SIN3B: variants seen among roughly 807,000 people sequenced by gnomAD.
The protein encoded by SIN3B is paired amphipathic helix protein Sin3b.
In SIN3B, 19 loss-of-function variants were observed where a neutral mutation model predicts 120.2. That is an observed-to-expected ratio of 0.16 (90% CI 0.11 to 0.23). The LOEUF is 0.23. SIN3B is among the 10% of genes least tolerant of loss of function. SIN3B has a pLI of 1.00. For missense variants in SIN3B, 1,073 were observed against 1,573.0 expected (o/e 0.68, Z 5.38); for synonymous variants, 654 against 653.2 (o/e 1.00, Z -0.02).
Position 16,847,495 on chromosome 19 carries a change from T to C in SIN3B, c.726+382T>C, listed in dbSNP as rs556106484. On this transcript the variant is annotated intron_variant, in intron 5 of 18. Coordinates refer to ENST00000248054, the MANE Select transcript of SIN3B (RefSeq NM_001297595.2). ...GGAGGGCTGGGTCCACAATCATCGCTTCCCCTGTTGGATGAGACTGATCTG... is the reference window on the plus strand; with the variant it reads ...GGAGGGCTGGGTCCACAATCATCGCCTCCCCTGTTGGATGAGACTGATCTG... Among the ~76,000 whole-genome samples, 519 of 152,326 alleles carry C rather than the reference T, an allele frequency of 3.4e-3. 1 individual carries two copies. Among genetic ancestry groups the C allele is most frequent in the African/African-American group, 0.012 (506 of 41,576 alleles).
At chr19:16,846,030 C>G (rs1971474348) in intron 4 of SIN3B, among the ~76,000 whole-genome samples, 1 of 152,176 alleles carries the variant, frequency 6.6e-6, no homozygotes, top group Non-Finnish European at 1.5e-5. Context: ...GCCTCGGCCT[C>G]CCAAAGTGCT....
At chr19:16,878,100 C>A in intron 17 of SIN3B, 83 bp from the exon 18 acceptor site, 2 of 1,212,040 alleles carry the variant, frequency 1.7e-6, no homozygotes, top group East Asian at 2.6e-5. Flanking sequence ...CTGATGGTCC[C>A]AGGCCTGGGG....
At chr19:16,874,565 G>C (rs2051558360) in intron 14 of SIN3B, among the ~76,000 whole-genome samples, 1 of 151,168 alleles carries the variant, frequency 6.6e-6, no homozygotes, top group Non-Finnish European at 1.5e-5. Flanking sequence ...GTTTTGATTT[G>C]GTCTGATTTG....
At chr19:16,854,046 C>T (rs1971580546) in intron 7 of SIN3B, 97 bp from the exon 8 acceptor site, 2 of 780,024 alleles carry the variant, frequency 2.6e-6, no homozygotes, top group Non-Finnish European at 4.3e-6. Flanking sequence ...ACAGTTGGTT[C>T]CCATATCGCA....
intron 2 of SIN3B, 61 bp from the exon 3 acceptor site, chr19:16,831,433 T>C: frequency 1.3e-6 from 2 of 1,525,568 alleles, no homozygotes; most frequent in Admixed American, 1.8e-5. Context: ...GAGTGGGGAA[T>C]AGATTATATT....
At position 16,831,516 on chromosome 19, in the gene SIN3B, A is replaced by G. The variant is rs920739323; in HGVS notation, c.250A>G (p.Arg84Gly). The G allele has an allele frequency of 3.7e-6, 6 of 1,614,048 alleles. No individual in the cohort carries two copies. Among genetic ancestry groups the G allele is most frequent in the Non-Finnish European group, 5.1e-6 (6 of 1,180,004 alleles). ...TAGCATCGATACTCCTGGAGTCATC[A>G]GACGTGTCTCGCAGCTCTTCCACGA... ...SQSIDTPGVI[R>G]RVSQLFHEHP... Residue 84 changes from arginine (R) to glycine (G), a missense_variant, in exon 3 of 19, where the codon AGA becomes GGA. This residue lies in a region of SIN3B where 395 missense variants were observed against 528.0 expected (regional missense o/e 0.75). Transcript: ENST00000248054.
intron 13 of SIN3B, 72 bp from the exon 14 acceptor site, chr19:16,871,157 C>A: frequency 1.3e-6 from 2 of 1,589,610 alleles, no homozygotes; most frequent in South Asian, 2.2e-5. Context: ...GGGGCTCTGT[C>A]ATGCCAGAGT....
chr19:16,844,479 GC>G (rs1407784326), intron 4 of SIN3B, among the ~76,000 whole-genome samples: 1 of 152,220 alleles, frequency 6.6e-6, no homozygotes, highest in African/African-American at 2.4e-5. Context: ...GCACAAGCCT[GC>G]CTCAGGTCAC....
chr19:16,840,677 G>A (rs763297622), intron 3 of SIN3B, among the ~76,000 whole-genome samples: 9 of 152,164 alleles, frequency 5.9e-5, no homozygotes, highest in African/African-American at 1.4e-4. Flanking sequence ...GCAGGGCAGC[G>A]GAAACAGTGA....
rs773337506 is a variant in SIN3B at position 16,870,030 on chromosome 19, G to A, written c.2377G>A (p.Glu793Lys). ...REKLLCEGRR[E>K]KGSDPAMELR... is the part of the protein sequence containing the mutation. The stretch of plus-strand genomic sequence containing the variant: ...GAAGCTGCTGTGTGAGGGCCGCAGG[G>A]AGAAGGGCAGCGACCCCGCCATGGA... The change falls in exon 13 of 19, where the codon GAG becomes AAG. Residue 793 changes from glutamate (E) to lysine (K), a missense_variant. Physicochemically the swap from Glu to Lys is moderately conservative, Grantham distance 56 (BLOSUM62 1). Around this residue, in one of 7 missense-constraint regions of SIN3B, gnomAD observed 52 missense variants for 68.8 expected, o/e 0.76. Transcript: ENST00000248054. 4 of 1,610,692 alleles carry A rather than the reference G, an allele frequency of 2.5e-6. No homozygotes were observed. In the Admixed American group the frequency reaches 6.7e-5, roughly 27 times the overall value.
chr19:16,863,334 T>C, intron 9 of SIN3B: 2 of 254,242 alleles, frequency 7.9e-6, no homozygotes, highest in Non-Finnish European at 1.4e-5. Flanking sequence ...AGTGTAACAA[T>C]GATCTACACA....
At position 16,846,997 on chromosome 19, in the gene SIN3B, C is replaced by T. The variant is rs557026752; in HGVS notation, c.610C>T (p.Pro204Ser). The change falls in exon 5 of 19, where the codon CCA becomes TCA. Residue 204 changes from proline to serine, a missense_variant. Coordinates refer to ENST00000248054, the MANE Select transcript of SIN3B (RefSeq NM_001297595.2). ...QKEQLNTRGR[P>S]FRGMSEEEVF... ...GGAGCAGCTGAACACGAGGGGCCGG[C>T]CATTCCGAGGCATGTCTGAAGAGGA... The T allele has an allele frequency of 6.2e-7, 1 of 1,614,154 alleles. No individual in the cohort carries two copies. The highest frequency in any genetic ancestry group is 1.3e-5 in the African/African-American group (1 of 75,076).
At chr19:16,843,055 G>C (rs971365666) in intron 4 of SIN3B, among the ~76,000 whole-genome samples, 3 of 152,174 alleles carry the variant, frequency 2.0e-5, no homozygotes, top group African/African-American at 7.2e-5. Context: ...TCACCCAGAC[G>C]TGGAGTCTCT....
rs1170035475 is a variant in SIN3B, at chr19:16,876,367, C to A, written c.2767-119C>A. ...GAGCCCATGAGGTACCTTTGACCTG[C>A]AGGAAGCATCAGGGCTTTGGGAGGG... On this transcript the variant is annotated intron_variant, in intron 15 of 18. Transcript: ENST00000248054. This position sits in a 1 kb window ranked among gnomAD's most constrained non-coding sequence, Gnocchi z 7.1. 2.2e-6 allele frequency: 3 copies of A among 1,370,656 alleles called. No individual in the cohort carries two copies. The highest frequency in any genetic ancestry group is 1.4e-5 in the African/African-American group (1 of 70,166). 84.9% of individuals were successfully genotyped at this position (1,370,656 alleles called of 1,614,324 possible). A position where few individuals can be genotyped will look rare whatever the true frequency, so the allele number is the denominator to read the frequency against.
At chr19:16,834,375 G>T (rs1195264145) in intron 3 of SIN3B, among the ~76,000 whole-genome samples, 2 of 152,178 alleles carry the variant, frequency 1.3e-5, no homozygotes, top group Non-Finnish European at 2.9e-5. Flanking sequence ...GAGTAACTCG[G>T]CTTTCAGGGC....
At position 16,879,573 on chromosome 19, in the gene SIN3B, A is replaced by C; in HGVS notation, c.*846A>C. 1 of 152,110 alleles carries C rather than the reference A, an allele frequency of 6.6e-6. No homozygotes were observed. The highest frequency in any genetic ancestry group is 1.9e-4 in the East Asian group (1 of 5,180). 9.4% of individuals were successfully genotyped at this position (152,110 alleles called of 1,614,324 possible). ...ATTCCTTTCGCTTTTAGTGGTTGTT[A>C]TTTCTGTAGCAGCCAAGTCCTGCGG... On this transcript the variant is annotated 3_prime_UTR_variant, in exon 19 of 19. Transcript: ENST00000248054.
chr19:16,877,367 A>G, intron 16 of SIN3B, 178 bp from the exon 17 acceptor site: 1 of 586,448 alleles, frequency 1.7e-6, no homozygotes, highest in Non-Finnish European at 3.0e-6. Context: ...TCCTCTGTCA[A>G]GAGCTATAGT....
intron 14 of SIN3B, chr19:16,875,808 T>TTGGTC (rs958484811): frequency 1.8e-6 from 1 of 543,942 alleles, no homozygotes; most frequent in Non-Finnish European, 3.2e-6. Context: ...TCTGGTCTGT[T>TTGGTC]TGGTCTGGTC....
At chr19:16,844,577 T>A (rs1971457254) in intron 4 of SIN3B, among the ~76,000 whole-genome samples, 2 of 152,148 alleles carry the variant, frequency 1.3e-5, no homozygotes, top group African/African-American at 4.8e-5. Context: ...CTAACATAAG[T>A]GGGACCCTAA....
Sources: gnomAD v4.1 joint callset for allele counts (sites outside exome capture counted in the v4.1 genomes callset) on GRCh38, gnomAD v4.1.1 for gene constraint, gnomAD v4.1.1 regional missense constraint, Gnocchi (gnomAD v3.1) non-coding constraint, MANE v1.5 for transcripts, NCBI Gene and HGNC (gene_info 2026-07-23, HGNC 2026-07-21) for gene names.